The following NEO1 variants were observed in gnomAD, a reference collection of about 807,000 sequenced individuals.
NEO1 encodes the protein neogenin.
In NEO1, 63 loss-of-function variants were observed where a neutral mutation model predicts 159.7. That is an observed-to-expected ratio of 0.39 (90% CI 0.32 to 0.49). NEO1 has a LOEUF of 0.49. Among genes scored for constraint, NEO1 ranks in the 20% least tolerant of loss-of-function variants. The probability of loss-of-function intolerance (pLI) is 0.85; values close to 1 mark genes in which losing one functional copy is unlikely to be tolerated. For missense variants in NEO1, 1,615 were observed against 1,831.0 expected (o/e 0.88, Z 2.15); for synonymous variants, 633 against 662.0 (o/e 0.96, Z 0.67).
At chr15:73,249,856 G>A (rs1358752347) in intron 11 of NEO1, 135 bp downstream of exon 11, 2 of 1,019,412 alleles carry the variant, frequency 2.0e-6, no homozygotes, top group South Asian at 2.0e-5. Flanking sequence ...TATGACTTTA[G>A]TCAAGTCTGA....
intron 7 of NEO1, among the ~76,000 whole-genome samples, chr15:73,209,393 C>G (rs1303427305): frequency 6.6e-6 from 1 of 152,088 alleles, no homozygotes; most frequent in East Asian, 1.9e-4. Flanking sequence ...TGATTAATAG[C>G]CTAGTGTTAT....
chr15:73,176,347 G>T, intron 5 of NEO1, 56 bp from the exon 6 acceptor site: 1 of 1,166,698 alleles, frequency 8.6e-7, no homozygotes, highest in Non-Finnish European at 1.2e-6. Flanking sequence ...GTTGAAATAT[G>T]AATAGCTGCC....
intron 15 of NEO1, among the ~76,000 whole-genome samples, chr15:73,261,936 A>G (rs767994180): frequency 7.9e-5 from 12 of 152,338 alleles, no homozygotes; most frequent in East Asian, 1.9e-4. Context: ...TTATACATCA[A>G]TGGAACAGAA....
chr15:73,176,406 A>C lies in NEO1; in HGVS notation c.1019A>C (p.Gln340Pro). ...EAQAELTVQA[Q>P]PEFLKQPTNI... ...TAATTTCCTTTTTATTTTAAAGCTCAACCTGAATTCCTGAAGCAGCCTACT... is the reference window on the plus strand; with the variant it reads ...TAATTTCCTTTTTATTTTAAAGCTCCACCTGAATTCCTGAAGCAGCCTACT... Residue 340 changes from glutamine to proline, a missense_variant, in exon 6 of 29, where the codon CAA (glutamine) becomes CCA (proline). Transcript: ENST00000261908. 1 of 1,542,894 alleles carries C rather than the reference A, an allele frequency of 6.5e-7. No homozygotes were observed. The highest frequency in any genetic ancestry group is 8.8e-7 in the Non-Finnish European group (1 of 1,142,086).
chr15:73,086,187 C>G (rs998835965), intron 1 of NEO1, among the ~76,000 whole-genome samples: 1 of 152,100 alleles, frequency 6.6e-6, no homozygotes, highest in African/African-American at 2.4e-5. Context: ...AAAGACTATC[C>G]TTTTTCCAGT....
At chr15:73,260,537 T>C (rs2040575782) in intron 15 of NEO1, 72 bp downstream of exon 15, 1 of 1,326,898 alleles carries the variant, frequency 7.5e-7, no homozygotes, top group Non-Finnish European at 1.0e-6. Context: ...TGTAATATTT[T>C]TATTTTTACA....
At position 73,271,840 on chromosome 15, in the gene NEO1, G is replaced by C. The variant is rs145777576; in HGVS notation, c.2858-615G>C. 5.1e-3 allele frequency among the ~76,000 whole-genome samples: 745 copies of C among 147,182 alleles called. 3 individuals carry two copies. The highest frequency in any genetic ancestry group is 6.6e-3 in the Non-Finnish European group (446 of 67,500). On this transcript the variant is annotated intron_variant, in intron 18 of 28. Coordinates refer to ENST00000261908, the MANE Select transcript of NEO1 (RefSeq NM_002499.4). ...GAGAATCACTTGAACCCAGGAGGCA[G>C]AGGTTGCAATGAGCAGAGATTGTGC...
intron 16 of NEO1, among the ~76,000 whole-genome samples, chr15:73,269,212 C>A (rs149592075): frequency 2.2e-4 from 34 of 152,296 alleles, no homozygotes; most frequent in Non-Finnish European, 2.6e-4. Flanking sequence ...TGGACCCTTA[C>A]ATGAATAGTG....
intron 4 of NEO1, among the ~76,000 whole-genome samples, chr15:73,134,367 G>A (rs1005487495): frequency 2.6e-5 from 4 of 152,132 alleles, no homozygotes; most frequent in Admixed American, 6.6e-5. Flanking sequence ...TCTGATTCTG[G>A]CTTTCAGCTT....
intron 7 of NEO1, among the ~76,000 whole-genome samples, chr15:73,234,489 T>C (rs978875785): frequency 2.6e-5 from 4 of 152,164 alleles, no homozygotes; most frequent in African/African-American, 9.7e-5. Flanking sequence ...GGTTATTGTG[T>C]GAGTAAACTG....
At position 73,304,510 on chromosome 15, in the gene NEO1, C is replaced by T. The variant is rs2042718525; in HGVS notation, c.*1814C>T. The T allele has an allele frequency of 1.3e-5, 2 of 152,192 alleles. No homozygotes were observed. The highest frequency in any genetic ancestry group is 4.8e-5 in the African/African-American group (2 of 41,426). 9.4% of individuals were successfully genotyped at this position (152,192 alleles called of 1,614,324 possible). ...ATCTTGTCACATACTTGCTTTTTTA[C>T]AAGATGAACTCTTTGTATTTATGAT... On this transcript the variant is annotated 3_prime_UTR_variant, in exon 29 of 29. Transcript: ENST00000261908.
At chr15:73,173,902 C>T (rs1385076417) in intron 5 of NEO1, among the ~76,000 whole-genome samples, 1 of 151,926 alleles carries the variant, frequency 6.6e-6, no homozygotes, top group Admixed American at 6.6e-5. Flanking sequence ...GAGTTCGAGA[C>T]CAGCCTGGCC....
intron 7 of NEO1, among the ~76,000 whole-genome samples, chr15:73,219,098 G>A (rs562630777): frequency 5.3e-5 from 8 of 150,934 alleles, no homozygotes; most frequent in East Asian, 3.9e-4. Flanking sequence ...CTTTGAATGC[G>A]TCCCAGAGAT....
intron 7 of NEO1, among the ~76,000 whole-genome samples, chr15:73,195,402 A>G (rs919974165): frequency 1.3e-5 from 2 of 152,152 alleles, no homozygotes; most frequent in African/African-American, 4.8e-5. Context: ...TATAGTTTCC[A>G]TGCTGCGTCT....
In NEO1 at chr15:73,254,955, T is replaced by G. The variant is rs2040267568; in HGVS notation, c.2092+126T>G. On this transcript the variant is annotated intron_variant, in intron 13 of 28. Coordinates refer to ENST00000261908, the MANE Select transcript of NEO1 (RefSeq NM_002499.4). Reference sequence around the variant, plus strand: ...AAATTTAAAATGGTTCAGAAAATTTTTAATGGTTCAATCCACTTCTGACTT... The same window carrying G: ...AAATTTAAAATGGTTCAGAAAATTTGTAATGGTTCAATCCACTTCTGACTT... 4 of 1,018,760 alleles carry G rather than the reference T, an allele frequency of 3.9e-6. No homozygotes were observed. In the Admixed American group the frequency reaches 9.7e-5, roughly 25 times the overall value. 63.1% of individuals were successfully genotyped at this position (1,018,760 alleles called of 1,614,324 possible).
intron 25 of NEO1, among the ~76,000 whole-genome samples, chr15:73,291,632 G>A (rs2151140378): frequency 6.6e-6 from 1 of 152,272 alleles, no homozygotes; most frequent in Non-Finnish European, 1.5e-5. Context: ...AAATGACTGA[G>A]CAGTGCCAGG....
intron 1 of NEO1, among the ~76,000 whole-genome samples, chr15:73,059,840 G>A (rs1207390440): frequency 6.6e-6 from 1 of 152,138 alleles, no homozygotes; most frequent in African/African-American, 2.4e-5. Flanking sequence ...GTATGAGAAT[G>A]CTCATAATTG....
At chr15:73,058,435 T>A (rs1408861416) in intron 1 of NEO1, among the ~76,000 whole-genome samples, 2 of 152,336 alleles carry the variant, frequency 1.3e-5, no homozygotes, top group East Asian at 3.9e-4. Flanking sequence ...TCTTTATTCC[T>A]CTGCATTCTG....
chr15:73,249,802 C>T, intron 11 of NEO1, 81 bp downstream of exon 11: 1 of 1,433,978 alleles, frequency 7.0e-7, no homozygotes. Flanking sequence ...GCTTTGATGT[C>T]TAGAAGATTC....
Sources: gnomAD v4.1 joint callset for allele counts (sites outside exome capture counted in the v4.1 genomes callset) on GRCh38, gnomAD v4.1.1 for gene constraint, MANE v1.5 for transcripts, NCBI Gene and HGNC (gene_info 2026-07-23, HGNC 2026-07-21) for gene names.